Variants in HSPA4 observed in about 807,000 individuals in gnomAD.
HSPA4 encodes the protein heat shock 70 kDa protein 4.
In HSPA4, 25 loss-of-function variants were observed where a neutral mutation model predicts 106.2. The ratio of observed to expected loss-of-function variants is 0.24; its 90% CI spans 0.17 to 0.33. HSPA4 has a LOEUF of 0.33. Ranked by LOEUF, HSPA4 falls within the 10% of genes least tolerant of loss-of-function variation. HSPA4 has a pLI of 1.00. For missense variants in HSPA4, 841 were observed against 996.0 expected, an observed-to-expected ratio of 0.84 and a Z score of 2.10; for synonymous variants, 332 against 333.6, an observed-to-expected ratio of 1.00 and a Z score of 0.05.
At position 133,060,456 on chromosome 5, in the gene HSPA4, C is replaced by T. The variant is rs543805285; in HGVS notation, c.108-4524C>T. ...CGGCTCACTACAATCTCTGCCTCCC[C>T]GGTTCAAGTGATTCTTCTGCCTCAG... On this transcript the variant is annotated intron_variant, in intron 1 of 18. Coordinates refer to ENST00000304858, the MANE Select transcript of HSPA4 (RefSeq NM_002154.4). Among the ~76,000 whole-genome samples, 72 of 152,096 alleles carry T rather than the reference C, an allele frequency of 4.7e-4. No individual in the cohort carries two copies. In the South Asian group the frequency reaches 0.014, roughly 29 times the overall value.
chr5:133,076,949 A>G (rs762184501), intron 7 of HSPA4, 51 bp downstream of exon 7: 13 of 1,440,946 alleles, frequency 9.0e-6, no homozygotes, highest in Non-Finnish European at 1.2e-5. Context: ...TTTTCTCCAC[A>G]TATATTAACC....
chr5:133,055,296 C>T (rs1186769614), intron 1 of HSPA4, among the ~76,000 whole-genome samples: 1 of 133,566 alleles, frequency 7.5e-6, no homozygotes, highest in Non-Finnish European at 1.6e-5. Context: ...AAAATGGTAG[C>T]AGGAAGGTTG....
chr5:133,075,376 T>G (rs73264422), intron 6 of HSPA4, among the ~76,000 whole-genome samples: 146 of 152,358 alleles, frequency 9.6e-4, no homozygotes, highest in African/African-American at 3.4e-3. Context: ...GCCATCTGCT[T>G]CTGTTTTTCT....
At chr5:133,095,577 A>G (rs1056829744) in intron 13 of HSPA4, among the ~76,000 whole-genome samples, 1 of 152,332 alleles carries the variant, frequency 6.6e-6, no homozygotes, top group African/African-American at 2.4e-5. Context: ...CAAATTACCA[A>G]TATGTTACTA....
At chr5:133,095,953 G>T in intron 13 of HSPA4, 145 bp from the exon 14 acceptor site, 1 of 567,936 alleles carries the variant, frequency 1.8e-6, no homozygotes, top group Non-Finnish European at 3.0e-6. Flanking sequence ...TTATTTTCTA[G>T]ATGTTATGGT....
intron 14 of HSPA4, 84 bp from the exon 15 acceptor site, chr5:133,097,077 A>G (rs1339601459): frequency 6.4e-6 from 7 of 1,099,592 alleles, no homozygotes; most frequent in Non-Finnish European, 9.2e-6. Context: ...GGGAAGAAAG[A>G]GTCTCTACTT....
At chr5:133,073,100 C>T (rs1288350078) in intron 4 of HSPA4, 130 bp from the exon 5 acceptor site, 11 of 579,246 alleles carry the variant, frequency 1.9e-5, no homozygotes, top group African/African-American at 1.1e-4. Flanking sequence ...CTAACTTTTC[C>T]CTACTAGTTT....
At chr5:133,054,938 T>A (rs1342145929) in intron 1 of HSPA4, among the ~76,000 whole-genome samples, 1 of 152,178 alleles carries the variant, frequency 6.6e-6, no homozygotes, top group Non-Finnish European at 1.5e-5. Flanking sequence ...GAATCCCAAG[T>A]ATGGGGAAGA....
intron 7 of HSPA4, among the ~76,000 whole-genome samples, chr5:133,085,036 T>C (rs1340238363): frequency 6.6e-6 from 1 of 152,126 alleles, no homozygotes; most frequent in Non-Finnish European, 1.5e-5. Flanking sequence ...CTTGAACTCC[T>C]GGGCTCAAGC....
At chr5:133,058,982 G>C (rs959075356) in intron 1 of HSPA4, among the ~76,000 whole-genome samples, 4 of 151,922 alleles carry the variant, frequency 2.6e-5, no homozygotes, top group South Asian at 2.1e-4. Flanking sequence ...ACAAAAATTA[G>C]CTGGGTGTGG....
At chr5:133,090,408 G>A (rs1194939351) in intron 11 of HSPA4, among the ~76,000 whole-genome samples, 4 of 131,586 alleles carry the variant, frequency 3.0e-5, no homozygotes, top group African/African-American at 6.0e-5. Context: ...TCCAGCCTAG[G>A]CGACAGAGCG....
intron 9 of HSPA4, among the ~76,000 whole-genome samples, chr5:133,088,771 G>C (rs1022826467): frequency 2.0e-5 from 3 of 152,170 alleles, no homozygotes; most frequent in Non-Finnish European, 2.9e-5. Flanking sequence ...GTAACTCTGA[G>C]CCTGAAGTAT....
At position 133,094,104 on chromosome 5, in the gene HSPA4, T is replaced by A. The variant is rs555693351; in HGVS notation, c.1650+1315T>A. On this transcript the variant is annotated intron_variant, in intron 13 of 18. Coordinates refer to ENST00000304858, the MANE Select transcript of HSPA4 (RefSeq NM_002154.4). ...AAGACTCCATCTTAAAAAGTTATTTTAAATAATGGAATAATGGATTTAAAT... is the reference window on the plus strand; with the variant it reads ...AAGACTCCATCTTAAAAAGTTATTTAAAATAATGGAATAATGGATTTAAAT... Among the ~76,000 whole-genome samples, 50 of 152,316 alleles carry A rather than the reference T, an allele frequency of 3.3e-4. 1 individual carries two copies. The South Asian group carries it at 9.9e-3, about 30-fold the overall frequency.
intron 4 of HSPA4, among the ~76,000 whole-genome samples, chr5:133,071,577 A>T (rs991570454): frequency 3.9e-5 from 6 of 152,214 alleles, no homozygotes; most frequent in African/African-American, 1.4e-4. Context: ...GACTGTTGAA[A>T]TATGTGTGGT....
chr5:133,091,832 C>G (rs1260013680), intron 12 of HSPA4, among the ~76,000 whole-genome samples: 1 of 151,706 alleles, frequency 6.6e-6, no homozygotes, highest in Non-Finnish European at 1.5e-5. Context: ...TTGAGGCCAG[C>G]CTGGGCAACA....
chr5:133,072,392 G>GTTTTTTTGTTTTTTT (rs1765393184), intron 4 of HSPA4, among the ~76,000 whole-genome samples: 1 of 75,726 alleles, frequency 1.3e-5, no homozygotes, highest in African/African-American at 5.3e-5. Context: ...GTCCAGGGTT[G>GTTTTTTTGTTTTTTT]TTTTTTTTTT....
At chr5:133,056,042 A>C (rs950946641) in intron 1 of HSPA4, among the ~76,000 whole-genome samples, 9 of 152,246 alleles carry the variant, frequency 5.9e-5, no homozygotes, top group Admixed American at 3.3e-4. Flanking sequence ...CATGCACTGC[A>C]CTCCAACCTA....
At position 133,104,536 on chromosome 5, in the gene HSPA4, T is replaced by TAAAGAA. The variant is rs1765831628; in HGVS notation, c.*101_*102insAAGAAA. On this transcript the variant is annotated 3_prime_UTR_variant, in exon 19 of 19. Coordinates refer to ENST00000304858, the MANE Select transcript of HSPA4 (RefSeq NM_002154.4). ...GCGCAAGTGAATACTGAAGATTTCT[T>TAAAGAA]AGTCAGTTTTTAGGGGATTTTCGGG... The TAAAGAA allele has an allele frequency of 1.6e-5, 18 of 1,120,654 alleles. No homozygotes were observed. 69.4% of individuals were successfully genotyped at this position (1,120,654 alleles called of 1,614,324 possible).
chr5:133,098,761 C>T (rs910267153), intron 15 of HSPA4, among the ~76,000 whole-genome samples: 3 of 152,082 alleles, frequency 2.0e-5, no homozygotes, highest in African/African-American at 7.2e-5. Context: ...CAACCTCCAC[C>T]TCCCTGGTTC....
Sources: allele counts gnomAD v4.1 joint callset (sites outside exome capture counted in the v4.1 genomes callset), GRCh38; gene constraint gnomAD v4.1.1; transcripts MANE v1.5; gene names NCBI Gene and HGNC (gene_info 2026-07-23, HGNC 2026-07-21).